The following UBE2E2 variants were observed in gnomAD, a reference collection of about 807,000 sequenced individuals.
UBE2E2 encodes ubiquitin conjugating enzyme E2 E2.
In UBE2E2, 6 loss-of-function variants were observed where a neutral mutation model predicts 24.7. That is an observed-to-expected ratio of 0.24 (90% CI 0.13 to 0.48). UBE2E2 has a LOEUF of 0.48. Ranked by LOEUF, UBE2E2 falls within the 20% of genes least tolerant of loss-of-function variation. The pLI, the probability that UBE2E2 is intolerant of heterozygous loss-of-function variation, is 0.99. For missense variants in UBE2E2, 169 were observed against 245.0 expected (o/e 0.69, Z 2.07); for synonymous variants, 104 against 83.6 (o/e 1.24, Z -1.33).
At chr3:23,253,030 A>G (rs1433470030) in intron 3 of UBE2E2, among the ~76,000 whole-genome samples, 1 of 152,224 alleles carries the variant, frequency 6.6e-6, no homozygotes, top group Non-Finnish European at 1.5e-5. Flanking sequence ...TGTGAAAGAT[A>G]CTGAAATAGG....
At chr3:23,343,017 G>A (rs1206288864) in intron 3 of UBE2E2, among the ~76,000 whole-genome samples, 1 of 151,700 alleles carries the variant, frequency 6.6e-6, no homozygotes, top group Non-Finnish European at 1.5e-5. Context: ...CATAACTAGT[G>A]GTCTGACATG....
chr3:23,479,162 T>C (rs1699200438), intron 3 of UBE2E2, among the ~76,000 whole-genome samples: 1 of 152,174 alleles, frequency 6.6e-6, no homozygotes, highest in African/African-American at 2.4e-5. Flanking sequence ...TCAGCTGTGC[T>C]TGACTCATGC....
chr3:23,289,341 A>G (rs550658030), intron 3 of UBE2E2, among the ~76,000 whole-genome samples: 3 of 152,310 alleles, frequency 2.0e-5, no homozygotes, highest in East Asian at 3.9e-4. Context: ...AATCTTTTAT[A>G]CTTTAAAGTT....
intron 1 of UBE2E2, among the ~76,000 whole-genome samples, chr3:23,206,097 C>T (rs1696138162): frequency 1.3e-5 from 2 of 152,132 alleles, no homozygotes; most frequent in Non-Finnish European, 2.9e-5. Context: ...GAATGGATTG[C>T]TCCTGTTTTA....
intron 3 of UBE2E2, among the ~76,000 whole-genome samples, chr3:23,487,283 C>T (rs1699394318): frequency 6.6e-6 from 1 of 152,202 alleles, no homozygotes. Flanking sequence ...CAGGCACTTC[C>T]AAGCCTGCAG....
intron 3 of UBE2E2, among the ~76,000 whole-genome samples, chr3:23,397,315 A>G (rs1697102229): frequency 6.6e-6 from 1 of 152,270 alleles, no homozygotes; most frequent in African/African-American, 2.4e-5. Flanking sequence ...GTATGACAAG[A>G]TAGTGACTAC....
At chr3:23,555,283 G>A (rs1193771026) in intron 5 of UBE2E2, among the ~76,000 whole-genome samples, 2 of 152,140 alleles carry the variant, frequency 1.3e-5, no homozygotes, top group Non-Finnish European at 2.9e-5. Context: ...AAGGTGTTCA[G>A]CATCACTAAT....
intron 3 of UBE2E2, among the ~76,000 whole-genome samples, chr3:23,284,704 G>A (rs1698570559): frequency 6.6e-6 from 1 of 151,532 alleles, no homozygotes; most frequent in African/African-American, 2.4e-5. Flanking sequence ...GTACATAGTA[G>A]GTGGTGATTA....
At chr3:23,580,585 C>T (rs1282282586) in intron 5 of UBE2E2, among the ~76,000 whole-genome samples, 1 of 152,152 alleles carries the variant, frequency 6.6e-6, no homozygotes, top group African/African-American at 2.4e-5. Context: ...CACTTTATTG[C>T]GGCAGTCTGT....
intron 3 of UBE2E2, among the ~76,000 whole-genome samples, chr3:23,414,133 C>T (rs1697564865): frequency 2.6e-5 from 4 of 152,150 alleles, no homozygotes; most frequent in African/African-American, 7.2e-5. Context: ...ATGAGAAATT[C>T]CATGTTAATG....
chr3:23,536,441 T>A (rs1336923316), intron 5 of UBE2E2, among the ~76,000 whole-genome samples: 1 of 152,220 alleles, frequency 6.6e-6, no homozygotes, highest in Non-Finnish European at 1.5e-5. Context: ...CATTTCTATT[T>A]GTCTGCTCTA....
intron 4 of UBE2E2, among the ~76,000 whole-genome samples, chr3:23,526,710 G>T (rs1428500246): frequency 6.6e-6 from 1 of 152,206 alleles, no homozygotes; most frequent in Non-Finnish European, 1.5e-5. Context: ...GGTGGTAGTT[G>T]TGGGAGTCTC....
chr3:23,302,170 C>G (rs563161855), intron 3 of UBE2E2, among the ~76,000 whole-genome samples: 3 of 152,142 alleles, frequency 2.0e-5, no homozygotes, highest in Non-Finnish European at 4.4e-5. Flanking sequence ...TCCCTTCCAG[C>G]CATATCCAGT....
At chr3:23,493,780 TAC>T (rs1699548140) in intron 3 of UBE2E2, among the ~76,000 whole-genome samples, 1 of 152,228 alleles carries the variant, frequency 6.6e-6, no homozygotes, top group Non-Finnish European at 1.5e-5. Flanking sequence ...TTTTTTGATG[TAC>T]ACATCTTTGT....
At chr3:23,439,948 A>G (rs778258368) in intron 3 of UBE2E2, among the ~76,000 whole-genome samples, 1 of 151,158 alleles carries the variant, frequency 6.6e-6, no homozygotes, top group African/African-American at 2.4e-5. Context: ...CATTGTAGAC[A>G]TTCTTATCTT....
At chr3:23,266,680 A>G (rs1698058857) in intron 3 of UBE2E2, among the ~76,000 whole-genome samples, 1 of 152,094 alleles carries the variant, frequency 6.6e-6, no homozygotes, top group Non-Finnish European at 1.5e-5. Context: ...CCAGGAATTG[A>G]ACTCAGCTCC....
At chr3:23,578,159 G>A (rs548202846) in intron 5 of UBE2E2, among the ~76,000 whole-genome samples, 172 of 152,030 alleles carry the variant, frequency 1.1e-3, no homozygotes, top group African/African-American at 3.9e-3. Context: ...GAAGACATAC[G>A]TGTGGCCAAT....
At chr3:23,426,511 G>T (rs900852529) in intron 3 of UBE2E2, among the ~76,000 whole-genome samples, 5 of 151,848 alleles carry the variant, frequency 3.3e-5, no homozygotes, top group South Asian at 2.1e-4. Context: ...GATGGGGTGT[G>T]CAGGGAGACC....
chr3:23,559,549 T>C (rs1695872393), intron 5 of UBE2E2, among the ~76,000 whole-genome samples: 1 of 152,208 alleles, frequency 6.6e-6, no homozygotes, highest in African/African-American at 2.4e-5. Flanking sequence ...TAAAAGATAG[T>C]CATGTTTAAC....
Sources: gnomAD v4.1 joint callset for allele counts (sites outside exome capture counted in the v4.1 genomes callset) on GRCh38, gnomAD v4.1.1 for gene constraint, MANE v1.5 for transcripts, NCBI Gene and HGNC (gene_info 2026-07-23, HGNC 2026-07-21) for gene names.